TMEM127: variants seen among roughly 807,000 people sequenced by gnomAD.
The protein encoded by TMEM127 is transmembrane protein 127.
In TMEM127, 21 loss-of-function variants were observed where a neutral mutation model predicts 20.1. The ratio of observed to expected loss-of-function variants is 1.04; its 90% confidence interval spans 0.74 to 1.50. The LOEUF is 1.50. Ranked by LOEUF, TMEM127 falls within the 40% of genes most tolerant of loss-of-function variation. The pLI, the probability that TMEM127 is intolerant of heterozygous loss-of-function variation, is 0.00. For synonymous variants in TMEM127, 150 were observed against 144.7 expected (o/e 1.04, Z -0.26); for missense variants, 303 against 317.4 (o/e 0.95, Z 0.34).
chr2:96,249,455 C>G lies in TMEM127; in HGVS notation c.*4353G>C, dbSNP rs1269334630. 1.3e-5 allele frequency: 3 copies of G among 224,062 alleles called. No individual in the cohort carries two copies. The highest frequency in any genetic ancestry group is 6.7e-5 in the African/African-American group (3 of 44,764). 13.9% of individuals were successfully genotyped at this position (224,062 alleles called of 1,614,324 possible). A position where few individuals can be genotyped will look rare whatever the true frequency, so the allele number is the denominator to read the frequency against. On this transcript the variant is annotated 3_prime_UTR_variant, in exon 4 of 4. Coordinates refer to ENST00000258439, the MANE Select transcript of TMEM127 (RefSeq NM_017849.4). Reference sequence around the variant, plus strand: ...ATGAAGCGTCTTCGTTTCAGGTGGGCTCATTCAAAACGACATTTTCAGGCT... The same window carrying G: ...ATGAAGCGTCTTCGTTTCAGGTGGGGTCATTCAAAACGACATTTTCAGGCT...
At position 96,254,223 on chromosome 2, in the gene TMEM127, C is replaced by A. The variant is rs1684155511; in HGVS notation, c.410-108G>T. 6 of 1,419,252 alleles carry A rather than the reference C, an allele frequency of 4.2e-6. 1 individual carries two copies. The highest frequency in any genetic ancestry group is 4.3e-4 in the Middle Eastern group (2 of 4,604). 87.9% of individuals were successfully genotyped at this position (1,419,252 alleles called of 1,614,324 possible). The stretch of plus-strand genomic sequence containing the variant: ...CTACCCAAACCCCATTCTCAGAGAA[C>A]CTGCCTGGCCCCAGACTCTGCAAGG... On this transcript the variant is annotated intron_variant, in intron 3 of 3. Transcript: ENST00000258439.
At chr2:96,256,571 CAA>C (rs1234363746) in intron 2 of TMEM127, among the ~76,000 whole-genome samples, 14 of 54,634 alleles carry the variant, frequency 2.6e-4, no homozygotes, top group Middle Eastern at 9.1e-3. Context: ...AACTCTGTCT[CAA>C]AAAAAAAAAA....
intron 3 of TMEM127, among the ~76,000 whole-genome samples, chr2:96,254,342 C>T (rs746021443): frequency 4.6e-5 from 7 of 152,168 alleles, no homozygotes; most frequent in Non-Finnish European, 1.0e-4. Context: ...TCTTAAGGAG[C>T]AAATAGGGTC....
At chr2:96,259,753 C>T (rs1684278646) in intron 2 of TMEM127, among the ~76,000 whole-genome samples, 1 of 152,224 alleles carries the variant, frequency 6.6e-6, no homozygotes, top group African/African-American at 2.4e-5. Flanking sequence ...GACCTCTGTT[C>T]TCTCATCTAT....
chr2:96,257,713 A>G (rs1684239123), intron 2 of TMEM127, among the ~76,000 whole-genome samples: 1 of 152,162 alleles, frequency 6.6e-6, no homozygotes, highest in Admixed American at 6.5e-5. Flanking sequence ...CAGCAGTTTG[A>G]GACCAGCCTG....
intron 2 of TMEM127, among the ~76,000 whole-genome samples, chr2:96,260,997 C>T (rs927661299): frequency 6.6e-6 from 1 of 152,228 alleles, no homozygotes; most frequent in Non-Finnish European, 1.5e-5. Flanking sequence ...CAGGCTCTCC[C>T]TGGAAGGCCC....
chr2:96,255,559 T>C (rs763480358), intron 2 of TMEM127, among the ~76,000 whole-genome samples: 91 of 152,214 alleles, frequency 6.0e-4, no homozygotes, highest in Non-Finnish European at 1.1e-3. Context: ...AATCAGTTTA[T>C]AGAGACAGAA....
chr2:96,265,271 G>T lies in TMEM127; in HGVS notation c.111C>A (p.Gly37=). Residue 37 remains glycine, a synonymous_variant, in exon 2 of 4, where the codon GGC becomes GGA. Coordinates refer to ENST00000258439, the MANE Select transcript of TMEM127 (RefSeq NM_017849.4). ...TGCACAGCGCCGTGATAGACAGGGC[G>T]CCAGGCAGGGCCGAGGCCAGGCTAC... ...PERSLASALP[G]ALSITALCTA... is the part of the protein sequence containing the mutation. 1.3e-6 allele frequency: 2 copies of T among 1,575,250 alleles called. No individual in the cohort carries two copies. The highest frequency in any genetic ancestry group is 8.6e-7 in the Non-Finnish European group (1 of 1,166,658).
At chr2:96,263,366 T>C (rs1179791501) in intron 2 of TMEM127, among the ~76,000 whole-genome samples, 1 of 149,960 alleles carries the variant, frequency 6.7e-6, no homozygotes, top group Non-Finnish European at 1.5e-5. Flanking sequence ...CTTTCTTTTT[T>C]TTTTTTTTTT....
rs1684044712 is a variant in TMEM127 at position 96,249,519 on chromosome 2, G to A, written c.*4289C>T. ...CAAGCCTGTAATCCCAACCCTTTGG[G>A]AAGGGAGGCAGAAGGATTGCCTGAA... On this transcript the variant is annotated 3_prime_UTR_variant, in exon 4 of 4. Coordinates refer to ENST00000258439, the MANE Select transcript of TMEM127 (RefSeq NM_017849.4). The A allele has an allele frequency of 8.8e-6, 2 of 228,224 alleles. No individual in the cohort carries two copies. Among genetic ancestry groups the A allele is most frequent in the Admixed American group, 5.7e-5 (1 of 17,584 alleles). The allele number at this position is 228,224 out of a possible 1,614,324, so 14.1% of individuals were successfully genotyped here.
intron 2 of TMEM127, among the ~76,000 whole-genome samples, chr2:96,263,476 CT>C (rs1684352781): frequency 6.6e-6 from 1 of 152,130 alleles, no homozygotes; most frequent in African/African-American, 2.4e-5. Flanking sequence ...GATTCTCCTG[CT>C]TCAGCCTCCC....
Position 96,253,328 on chromosome 2 carries a change from G to C in TMEM127, c.*480C>G. 1 of 243,572 alleles carries C rather than the reference G, an allele frequency of 4.1e-6. No individual in the cohort carries two copies. Among genetic ancestry groups the C allele is most frequent in the East Asian group, 5.9e-5 (1 of 16,880 alleles). 15.1% of individuals were successfully genotyped at this position (243,572 alleles called of 1,614,324 possible). ...CCCGGAGCAGGTGGCCTGGGGGCGGGTCACTCCGAGAAGGAAGGGGTCTGG... is the reference window on the plus strand; with the variant it reads ...CCCGGAGCAGGTGGCCTGGGGGCGGCTCACTCCGAGAAGGAAGGGGTCTGG... On this transcript the variant is annotated 3_prime_UTR_variant, in exon 4 of 4. Transcript: ENST00000258439. The surrounding 1 kb of genome is among the most constrained non-coding windows in gnomAD (Gnocchi z 4.3).
Position 96,253,205 on chromosome 2 carries a change from G to C in TMEM127, c.*603C>G, listed in dbSNP as rs1684127336. 15 of 234,482 alleles carry C rather than the reference G, an allele frequency of 6.4e-5. No individual in the cohort carries two copies. The South Asian group carries it at 2.5e-3, about 39-fold the overall frequency. The allele number at this position is 234,482 out of a possible 1,614,324, so 14.5% of individuals were successfully genotyped here. ...CAGCCACATGAAGCAAGGGCAGAGA[G>C]GGTTGCAACTGCTCTGCCTTCCCAA... On this transcript the variant is annotated 3_prime_UTR_variant, in exon 4 of 4. Coordinates refer to ENST00000258439, the MANE Select transcript of TMEM127 (RefSeq NM_017849.4). This position sits in a 1 kb window ranked among gnomAD's most constrained non-coding sequence, Gnocchi z 4.3.
Position 96,250,831 on chromosome 2 carries a change from A to G in TMEM127, c.*2977T>C, listed in dbSNP as rs1408510151. On this transcript the variant is annotated 3_prime_UTR_variant, in exon 4 of 4. Coordinates refer to ENST00000258439, the MANE Select transcript of TMEM127 (RefSeq NM_017849.4). ...CCTCTCCTAGTAAGATTCATTACCT[A>G]TGGTTTCAAAGAAAGTGCAGTTTCT... 2 of 232,000 alleles carry G rather than the reference A, an allele frequency of 8.6e-6. No homozygotes were observed. The highest frequency in any genetic ancestry group is 1.1e-4 in the Admixed American group (2 of 17,736). The allele number at this position is 232,000 out of a possible 1,614,324, so 14.4% of individuals were successfully genotyped here. A position where few individuals can be genotyped will look rare whatever the true frequency, so the allele number is the denominator to read the frequency against.
chr2:96,251,928 C>T lies in TMEM127; in HGVS notation c.*1880G>A. On this transcript the variant is annotated 3_prime_UTR_variant, in exon 4 of 4. Coordinates refer to ENST00000258439, the MANE Select transcript of TMEM127 (RefSeq NM_017849.4). ...GTCTTCTGGTCTGCCTGCTCAGACA[C>T]CCAAGGGCAGAGAGAGCTGGCCACA... 4.3e-6 allele frequency: 1 copy of T among 233,350 alleles called. No homozygotes were observed. Among genetic ancestry groups the T allele is most frequent in the Non-Finnish European group, 8.5e-6 (1 of 117,882 alleles). 14.5% of individuals were successfully genotyped at this position (233,350 alleles called of 1,614,324 possible).
chr2:96,263,155 A>G (rs1684345232), intron 2 of TMEM127, among the ~76,000 whole-genome samples: 1 of 151,140 alleles, frequency 6.6e-6, no homozygotes, highest in Non-Finnish European at 1.5e-5. Flanking sequence ...CCTGGGTTCA[A>G]GCGATTCGCC....
At chr2:96,264,176 C>T (rs1475881641) in intron 2 of TMEM127, among the ~76,000 whole-genome samples, 2 of 152,176 alleles carry the variant, frequency 1.3e-5, no homozygotes, top group Non-Finnish European at 2.9e-5. Flanking sequence ...GAGTATGGTC[C>T]GATGCACAGC....
rs114905804 is a variant in TMEM127 at position 96,250,040 on chromosome 2, T to C, written c.*3768A>G. ...CTGGCTGAGACACTGGGCCCTGGGA[T>C]TGACTGTGACCGCCCTCTTCCCCTT... On this transcript the variant is annotated 3_prime_UTR_variant, in exon 4 of 4. Coordinates refer to ENST00000258439, the MANE Select transcript of TMEM127 (RefSeq NM_017849.4). 0.011 allele frequency: 2,465 copies of C among 233,326 alleles called. 68 individuals carry two copies. The highest frequency in any genetic ancestry group is 0.05 in the African/African-American group (2,259 of 45,448). 14.5% of individuals were successfully genotyped at this position (233,326 alleles called of 1,614,324 possible).
chr2:96,253,549 C>T lies in TMEM127; in HGVS notation c.*259G>A. ...AGGAAACTTGGATGACCTTCCCTGGCTGGTAATGACTCGTGAATGTGAAGG... is the reference window on the plus strand; with the variant it reads ...AGGAAACTTGGATGACCTTCCCTGGTTGGTAATGACTCGTGAATGTGAAGG... On this transcript the variant is annotated 3_prime_UTR_variant, in exon 4 of 4. Transcript: ENST00000258439. This position sits in a 1 kb window ranked among gnomAD's most constrained non-coding sequence, Gnocchi z 4.3. The T allele has an allele frequency of 2.0e-6, 1 of 506,562 alleles. No homozygotes were observed. The highest frequency in any genetic ancestry group is 3.5e-6 in the Non-Finnish European group (1 of 284,888). 31.4% of individuals were successfully genotyped at this position (506,562 alleles called of 1,614,324 possible). A position where few individuals can be genotyped will look rare whatever the true frequency, so the allele number is the denominator to read the frequency against.
Sources: gnomAD v4.1 joint callset for allele counts (sites outside exome capture counted in the v4.1 genomes callset) on GRCh38, gnomAD v4.1.1 for gene constraint, Gnocchi (gnomAD v3.1) non-coding constraint, MANE v1.5 for transcripts, NCBI Gene and HGNC (gene_info 2026-07-23, HGNC 2026-07-21) for gene names.